TMEM117: variants seen among roughly 807,000 people sequenced by gnomAD.
The protein encoded by TMEM117 is transmembrane protein 117.
TMEM117 carries 27 observed loss-of-function variants against 52.4 expected under a neutral mutation model. That is an observed-to-expected ratio of 0.51 (90% CI 0.38 to 0.71). The LOEUF is 0.71. Ranked by LOEUF, TMEM117 falls within the 30% of genes least tolerant of loss-of-function variation. The probability of loss-of-function intolerance (pLI) is 0.00; values close to 1 mark genes in which losing one functional copy is unlikely to be tolerated. For synonymous variants in TMEM117, 215 were observed against 206.3 expected, an observed-to-expected ratio of 1.04 and a Z score of -0.36; for missense variants, 556 against 630.5, an observed-to-expected ratio of 0.88 and a Z score of 1.26.
In TMEM117 at chr12:44,136,758, C is replaced by T. The variant is rs549355078; in HGVS notation, c.411-6767C>T. On this transcript the variant is annotated intron_variant, in intron 3 of 7. Coordinates refer to ENST00000266534, the MANE Select transcript of TMEM117 (RefSeq NM_032256.3). ...CTGACGTTCGAAGTAAGTAAATTTA[C>T]AGCATGTGTTGCAGAAAGTCAAAGA... Among the ~76,000 whole-genome samples, 7 of 152,152 alleles carry T rather than the reference C, an allele frequency of 4.6e-5. No individual in the cohort carries two copies. The South Asian group carries it at 1.5e-3, about 32-fold the overall frequency.
At chr12:43,920,464 G>C (rs1251979448) in intron 2 of TMEM117, among the ~76,000 whole-genome samples, 1 of 149,354 alleles carries the variant, frequency 6.7e-6, no homozygotes, top group Non-Finnish European at 1.5e-5. Context: ...AGTGAGCCGA[G>C]ATCACACCAC....
chr12:44,037,219 C>T (rs535514220), intron 3 of TMEM117, among the ~76,000 whole-genome samples: 2 of 152,260 alleles, frequency 1.3e-5, no homozygotes, highest in East Asian at 1.9e-4. Flanking sequence ...AGGCAGGAGC[C>T]GTGCTGTCCT....
chr12:43,961,033 A>G (rs1945394529), intron 3 of TMEM117, among the ~76,000 whole-genome samples: 1 of 152,112 alleles, frequency 6.6e-6, no homozygotes, highest in African/African-American at 2.4e-5. Flanking sequence ...AGCATTCTTT[A>G]GCCATGTGAC....
At chr12:44,253,367 T>C (rs1950218333) in intron 5 of TMEM117, among the ~76,000 whole-genome samples, 1 of 152,180 alleles carries the variant, frequency 6.6e-6, no homozygotes, top group South Asian at 2.1e-4. Flanking sequence ...AATGTTGTCT[T>C]TTATGATTTA....
chr12:44,300,450 T>C (rs895240074), intron 6 of TMEM117, among the ~76,000 whole-genome samples: 1 of 152,210 alleles, frequency 6.6e-6, no homozygotes, highest in Non-Finnish European at 1.5e-5. Flanking sequence ...AGGCAATTTT[T>C]TTCCCTCCTG....
chr12:44,212,045 A>G (rs1212440060), intron 5 of TMEM117, among the ~76,000 whole-genome samples: 2 of 152,214 alleles, frequency 1.3e-5, no homozygotes, highest in African/African-American at 4.8e-5. Flanking sequence ...TAATTATATA[A>G]TCCCAAGAAA....
At chr12:44,200,464 T>TA (rs1949480358) in intron 4 of TMEM117, among the ~76,000 whole-genome samples, 1 of 152,158 alleles carries the variant, frequency 6.6e-6, no homozygotes, top group Non-Finnish European at 1.5e-5. Flanking sequence ...TGGATACTGT[T>TA]AAAAAAGGAA....
chr12:44,072,873 T>C (rs1168080), intron 3 of TMEM117, among the ~76,000 whole-genome samples: 50,689 of 152,006 alleles, frequency 0.33, 13,499 homozygotes, highest in African/African-American at 0.74. Flanking sequence ...GGGCGGATCA[T>C]GAAGTCAAGA....
rs188693931 is a variant in TMEM117, at chr12:43,893,068, C to T, written c.277+48140C>T. 5.9e-5 allele frequency among the ~76,000 whole-genome samples: 9 copies of T among 152,246 alleles called. No individual in the cohort carries two copies. The East Asian group carries it at 1.5e-3, about 26-fold the overall frequency. Reference sequence around the variant, plus strand: ...CTGGAGTGCAGTGTGGAAGGTAGAGCATGGAAGGAGATGAATTTGGTAAAA... The same window carrying T: ...CTGGAGTGCAGTGTGGAAGGTAGAGTATGGAAGGAGATGAATTTGGTAAAA... On this transcript the variant is annotated intron_variant, in intron 2 of 7. Coordinates refer to ENST00000266534, the MANE Select transcript of TMEM117 (RefSeq NM_032256.3).
intron 3 of TMEM117, among the ~76,000 whole-genome samples, chr12:44,133,914 T>C (rs1948451596): frequency 6.6e-6 from 1 of 152,328 alleles, no homozygotes; most frequent in Middle Eastern, 3.4e-3. Flanking sequence ...TGATGTCTGC[T>C]TAATATTATC....
At chr12:44,216,870 T>C (rs1266898701) in intron 5 of TMEM117, among the ~76,000 whole-genome samples, 2 of 152,258 alleles carry the variant, frequency 1.3e-5, no homozygotes, top group Middle Eastern at 3.4e-3. Context: ...ATGTGCAATG[T>C]TGTATATTTT....
intron 4 of TMEM117, among the ~76,000 whole-genome samples, chr12:44,157,007 T>G (rs2138243012): frequency 6.6e-6 from 1 of 152,274 alleles, no homozygotes; most frequent in Non-Finnish European, 1.5e-5. Context: ...CTGACAGATG[T>G]TACTATGCCC....
chr12:43,801,102 A>C, the TMEM117 span, among the ~76,000 whole-genome samples: 2 of 152,202 alleles, frequency 1.3e-5, no homozygotes, highest in Non-Finnish European at 2.9e-5. Flanking sequence ...TCATTTTTCA[A>C]ACTCATAAGT....
At chr12:44,022,297 A>G (rs1946467126) in intron 3 of TMEM117, among the ~76,000 whole-genome samples, 1 of 152,190 alleles carries the variant, frequency 6.6e-6, no homozygotes, top group Non-Finnish European at 1.5e-5. Flanking sequence ...CCAAACTACA[A>G]TACAAAGGTG....
At chr12:44,054,709 T>C (rs142057934) in intron 3 of TMEM117, among the ~76,000 whole-genome samples, 1 of 152,228 alleles carries the variant, frequency 6.6e-6, no homozygotes, top group Non-Finnish European at 1.5e-5. Flanking sequence ...TTATTTTTTT[T>C]TCAATTTTTT....
chr12:44,121,086 A>G (rs1412385690), intron 3 of TMEM117, among the ~76,000 whole-genome samples: 2 of 151,426 alleles, frequency 1.3e-5, no homozygotes, highest in Non-Finnish European at 2.9e-5. Flanking sequence ...GTGCAGGGAA[A>G]CTCCTGTTTT....
intron 3 of TMEM117, among the ~76,000 whole-genome samples, chr12:44,029,309 G>A (rs149077067): frequency 2.0e-5 from 3 of 152,258 alleles, no homozygotes; most frequent in East Asian, 3.9e-4. Context: ...GGCACTATGG[G>A]ATGTTAACTG....
At chr12:44,186,407 T>G (rs1171251349) in intron 4 of TMEM117, among the ~76,000 whole-genome samples, 1 of 152,184 alleles carries the variant, frequency 6.6e-6, no homozygotes, top group Non-Finnish European at 1.5e-5. Context: ...TTTGTTTAAT[T>G]GATAGCCAAC....
intron 6 of TMEM117, chr12:44,318,203 T>C (rs568158859): frequency 6.6e-6 from 1 of 152,318 alleles, no homozygotes; most frequent in Non-Finnish European, 1.5e-5. Flanking sequence ...CCTGGAGATA[T>C]GCCTAAGCAT....
Sources: allele counts gnomAD v4.1 joint callset (sites outside exome capture counted in the v4.1 genomes callset), GRCh38; gene constraint gnomAD v4.1.1; transcripts MANE v1.5; gene names NCBI Gene and HGNC (gene_info 2026-07-23, HGNC 2026-07-21).